The following PDXDC1 variants were observed in gnomAD, a reference collection of about 807,000 sequenced individuals.
The protein encoded by PDXDC1 is pyridoxal-dependent decarboxylase domain-containing protein 1.
PDXDC1 carries 42 observed loss-of-function variants against 100.1 expected under a neutral mutation model. The observed-to-expected ratio is 0.42, with a 90% CI of 0.33 to 0.54. The LOEUF (loss-of-function observed/expected upper bound fraction) is 0.54, where lower values mean the gene tolerates loss of function less well. Ranked by LOEUF, PDXDC1 falls within the 20% of genes least tolerant of loss-of-function variation. PDXDC1 has a pLI of 0.10. For missense variants in PDXDC1, 636 were observed against 979.2 expected (o/e 0.65, Z 4.68); for synonymous variants, 260 against 371.7 (o/e 0.70, Z 3.46).
chr16:15,081,466 T>C (rs1306384082), intron 16 of PDXDC1, among the ~76,000 whole-genome samples: 2 of 152,216 alleles, frequency 1.3e-5, no homozygotes, highest in Admixed American at 6.5e-5. Context: ...GATGTTGAGC[T>C]TCTTTTCATG....
At chr16:15,011,764 A>C (rs1170248483) in intron 8 of PDXDC1, among the ~76,000 whole-genome samples, 4 of 152,230 alleles carry the variant, frequency 2.6e-5, no homozygotes, top group Admixed American at 2.6e-4. Flanking sequence ...CCCAGGTTCA[A>C]GCGATTCGCC....
chr16:15,108,257 T>G (rs2151864061), intron 16 of PDXDC1: 1 of 905,634 alleles, frequency 1.1e-6, no homozygotes, highest in East Asian at 1.1e-4. Flanking sequence ...ATGGTCCTGA[T>G]CCTAAGGATC....
At chr16:15,025,678 G>A (rs1411124988) in intron 13 of PDXDC1, 3 of 152,354 alleles carry the variant, frequency 2.0e-5, no homozygotes, top group Non-Finnish European at 4.4e-5. Context: ...ATCACACTCA[G>A]AGCCTTGGAA....
chr16:14,993,802 C>T (rs1472014922), intron 1 of PDXDC1, among the ~76,000 whole-genome samples: 2 of 152,308 alleles, frequency 1.3e-5, no homozygotes, highest in Admixed American at 6.5e-5. Context: ...TCTCCAGCAC[C>T]TGTTGTTTCC....
intron 16 of PDXDC1, among the ~76,000 whole-genome samples, chr16:15,050,075 T>C (rs1398126270): frequency 6.6e-6 from 1 of 152,182 alleles, no homozygotes. Flanking sequence ...ATAGTTATTG[T>C]TAGAATACAA....
Position 15,130,375 on chromosome 16 carries a change from G to C in PDXDC1, c.1400-8504G>C, listed in dbSNP as rs2377164. On this transcript the variant is annotated intron_variant, in intron 16 of 16. Transcript: ENST00000535621. ...AAGTACTGGCACAGGGACGTGTACAGGCCCACGGACACCTCCAGCGCCGAC... is the reference window on the plus strand; with the variant it reads ...AAGTACTGGCACAGGGACGTGTACACGCCCACGGACACCTCCAGCGCCGAC... The C allele has an allele frequency of 4.4e-6, 7 of 1,573,102 alleles. No individual in the cohort carries two copies. In the African/African-American group the frequency reaches 9.5e-5, roughly 21 times the overall value.
At chr16:15,039,197 C>G (rs1053283532), downstream of PDXDC1, among the ~76,000 whole-genome samples, 5 of 152,202 alleles carry the variant, frequency 3.3e-5, no homozygotes, top group African/African-American at 1.2e-4. Flanking sequence ...CTCAGCTTAC[C>G]TAGCAATATT....
rs371028775 is a variant in PDXDC1, at chr16:15,004,814, A to G, written c.389+481A>G. 3.8e-4 allele frequency among the ~76,000 whole-genome samples: 58 copies of G among 152,372 alleles called. 2 individuals are homozygous for G. In the East Asian group the frequency reaches 5.0e-3, roughly 13 times the overall value. On this transcript the variant is annotated intron_variant, in intron 5 of 22. Transcript: ENST00000396410. Reference sequence around the variant, plus strand: ...TCATGTAACTGAGGCACATCTTCCCATATACTTTAATCTCTTGATTACATA... The same window carrying G: ...TCATGTAACTGAGGCACATCTTCCCGTATACTTTAATCTCTTGATTACATA...
In PDXDC1 at chr16:15,031,182, C is replaced by G. The variant is rs144862700; in HGVS notation, c.1400-553C>G. 4.5e-3 allele frequency among the ~76,000 whole-genome samples: 663 copies of G among 146,340 alleles called. 3 individuals are homozygous for G. The highest frequency in any genetic ancestry group is 0.011 in the Admixed American group (156 of 14,122). ...CTGTCACCCAGGCTGCTCTTGAACT[C>G]CTGGCCTTAAGTGATCCTCCTGGCT... On this transcript the variant is annotated intron_variant, in intron 16 of 22. Transcript: ENST00000396410.
downstream of PDXDC1, chr16:15,038,750 G>A: frequency 3.5e-6 from 3 of 856,836 alleles, no homozygotes; most frequent in Non-Finnish European, 5.9e-6. Context: ...AACCCTCCCA[G>A]TAACGCAAGC....
intron 16 of PDXDC1, chr16:15,074,919 T>A: frequency 6.7e-7 from 1 of 1,502,852 alleles, no homozygotes; most frequent in South Asian, 1.2e-5. Context: ...AGTGGTTTAG[T>A]AGGAAAACTG....
intron 16 of PDXDC1, chr16:15,048,037 A>T (rs1372200370): frequency 6.2e-7 from 1 of 1,613,768 alleles, no homozygotes; most frequent in African/African-American, 1.3e-5. Flanking sequence ...TTTGCTGAAC[A>T]TACAGAAGGC....
chr16:15,029,017 T>G, intron 15 of PDXDC1, 51 bp downstream of exon 15: 1 of 1,571,000 alleles, frequency 6.4e-7, no homozygotes, highest in African/African-American at 1.3e-5. Context: ...TCCATCACCA[T>G]CCGACCTGCT....
Position 15,068,244 on chromosome 16 carries a change from C to T in PDXDC1, c.1399+38188C>T, listed in dbSNP as rs747114200. On this transcript the variant is annotated intron_variant, in intron 16 of 16. Transcript: ENST00000535621. ...GGGATTTAGCTGGCTCATCACTATC[C>T]GCTCAAAATTCAGACTCTGAAGATA... is the stretch of plus-strand genomic sequence containing the variant. 5.4e-5 allele frequency: 86 copies of T among 1,582,512 alleles called. No individual in the cohort carries two copies. Among genetic ancestry groups the T allele is most frequent in the Admixed American group, 7.3e-5 (4 of 55,094 alleles).
chr16:15,106,522 G>A (rs553483182), intron 16 of PDXDC1, among the ~76,000 whole-genome samples: 2 of 150,248 alleles, frequency 1.3e-5, no homozygotes, highest in African/African-American at 2.4e-5. Flanking sequence ...CTGGGAGGGC[G>A]AGGTGGATGG....
intron 3 of PDXDC1, among the ~76,000 whole-genome samples, chr16:14,999,545 A>C: frequency 6.6e-6 from 1 of 152,242 alleles, no homozygotes; most frequent in Non-Finnish European, 1.5e-5. Context: ...CCTATCAAAT[A>C]AAATAAAAGT....
chr16:15,128,691 C>T (rs2047892727), intron 16 of PDXDC1, among the ~76,000 whole-genome samples: 1 of 152,130 alleles, frequency 6.6e-6, no homozygotes, highest in East Asian at 1.9e-4. Context: ...CTGTCCACGC[C>T]TCAGTCACGC....
chr16:15,063,434 T>C, intron 16 of PDXDC1: 2 of 689,318 alleles, frequency 2.9e-6, no homozygotes, highest in Middle Eastern at 2.9e-4. Context: ...CCTGGCTGGG[T>C]GCAGTGGCTC....
intron 16 of PDXDC1, chr16:15,130,959 C>T (rs1340385116): frequency 1.3e-6 from 1 of 748,960 alleles, no homozygotes; most frequent in Non-Finnish European, 2.3e-6. Context: ...CCTCTCCGGC[C>T]AGGCCCCCAG....
Sources: allele counts gnomAD v4.1 joint callset (sites outside exome capture counted in the v4.1 genomes callset), GRCh38; gene constraint gnomAD v4.1.1; transcripts MANE v1.5; gene names NCBI Gene and HGNC (gene_info 2026-07-23, HGNC 2026-07-21).